PCMTD1: variants seen among roughly 807,000 people sequenced by gnomAD.
The protein encoded by PCMTD1 is protein-L-isoaspartate (D-aspartate) O-methyltransferase domain containing 1.
In PCMTD1, 12 loss-of-function variants were observed where a neutral mutation model predicts 37.6. That is an observed-to-expected ratio of 0.32 (90% CI 0.20 to 0.52). PCMTD1 has a LOEUF of 0.52. Among genes scored for constraint, PCMTD1 ranks in the 20% least tolerant of loss-of-function variants. The pLI is 0.97. For missense variants in PCMTD1, 235 were observed against 421.3 expected (o/e 0.56, Z 3.87); for synonymous variants, 117 against 135.8 (o/e 0.86, Z 0.96).
intron 1 of PCMTD1, among the ~76,000 whole-genome samples, chr8:51,866,441 T>C (rs71513558): frequency 0.06 from 9,173 of 151,872 alleles, 373 homozygotes; most frequent in Non-Finnish European, 0.087. Flanking sequence ...CAATGACCAA[T>C]CAAAGTAGAT....
At chr8:51,892,552 C>G (rs1437692895) in intron 1 of PCMTD1, among the ~76,000 whole-genome samples, 1 of 152,206 alleles carries the variant, frequency 6.6e-6, no homozygotes, top group East Asian at 1.9e-4. Context: ...AAGAAAAGAC[C>G]ACCTACTTTT....
chr8:51,843,254 C>T (rs1291284986), intron 3 of PCMTD1, among the ~76,000 whole-genome samples: 1 of 151,624 alleles, frequency 6.6e-6, no homozygotes, highest in Non-Finnish European at 1.5e-5. Context: ...TCCCTAGTAC[C>T]TACTACTCCT....
At chr8:51,867,974 A>C (rs556923821) in intron 1 of PCMTD1, among the ~76,000 whole-genome samples, 5 of 152,300 alleles carry the variant, frequency 3.3e-5, no homozygotes, top group Non-Finnish European at 7.4e-5. Context: ...CTGAAACTGT[A>C]AATTGTAGAT....
At position 51,898,990 on chromosome 8, in the gene PCMTD1, C is replaced by A. The variant is rs1265840675; in HGVS notation, c.-156G>T. On this transcript the variant is annotated 5_prime_UTR_variant, in exon 1 of 6. Transcript: ENST00000522514. Reference sequence around the variant, plus strand: ...AGGACTCGGCGGGGTCCGCAGCAGCCAGACGCCGCTACCACCACAATAACA... The same window carrying A: ...AGGACTCGGCGGGGTCCGCAGCAGCAAGACGCCGCTACCACCACAATAACA... 6.6e-7 allele frequency: 1 copy of A among 1,506,570 alleles called. No homozygotes were observed. The highest frequency in any genetic ancestry group is 1.4e-5 in the African/African-American group (1 of 70,290). The allele number at this position is 1,506,570 out of a possible 1,614,324, so 93.3% of individuals were successfully genotyped here.
rs1027609163 is a variant in PCMTD1, at chr8:51,893,069, T to C, written c.-96+5861A>G. 1.7e-4 allele frequency among the ~76,000 whole-genome samples: 26 copies of C among 152,342 alleles called. 1 individual carries two copies. The highest frequency in any genetic ancestry group is 1.5e-3 in the Admixed American group (23 of 15,308). On this transcript the variant is annotated intron_variant, in intron 1 of 5. Transcript: ENST00000522514. ...AAAGAAGTATTTATGATTACTTTAA[T>C]ATTTTATAAAGCTAAGGGCAGGTAG...
At position 51,820,240 on chromosome 8, in the gene PCMTD1, C is replaced by G; in HGVS notation, c.*111G>C. The G allele has an allele frequency of 1.1e-6, 1 of 915,814 alleles. No homozygotes were observed. The highest frequency in any genetic ancestry group is 3.1e-5 in the South Asian group (1 of 32,432). 56.7% of individuals were successfully genotyped at this position (915,814 alleles called of 1,614,324 possible). A position where few individuals can be genotyped will look rare whatever the true frequency, so the allele number is the denominator to read the frequency against. ...TGACAGAAACAAGTGATTTTTTTTC[C>G]ACTATAATTTGCTCTGATGAAAGAA... On this transcript the variant is annotated 3_prime_UTR_variant, in exon 6 of 6. Transcript: ENST00000522514.
chr8:51,852,176 TAGG>T (rs956509581), intron 2 of PCMTD1, among the ~76,000 whole-genome samples: 6 of 152,154 alleles, frequency 3.9e-5, no homozygotes, highest in African/African-American at 1.4e-4. Context: ...ATTTCAAGGG[TAGG>T]AGATGTGTCT....
chr8:51,867,690 G>T (rs1406015882), intron 1 of PCMTD1, among the ~76,000 whole-genome samples: 1 of 151,822 alleles, frequency 6.6e-6, no homozygotes, highest in African/African-American at 2.4e-5. Flanking sequence ...TAAGTCATAA[G>T]ACATACTAAG....
chr8:51,836,011 T>A (rs773709455), intron 3 of PCMTD1, among the ~76,000 whole-genome samples: 4 of 152,226 alleles, frequency 2.6e-5, no homozygotes, highest in African/African-American at 4.8e-5. Flanking sequence ...ACTAGCTTTG[T>A]GCAATGACTG....
At position 51,898,983 on chromosome 8, in the gene PCMTD1, C is replaced by A. The variant is rs1202276589; in HGVS notation, c.-149G>T. 2.0e-6 allele frequency: 3 copies of A among 1,502,694 alleles called. No homozygotes were observed. The highest frequency in any genetic ancestry group is 1.8e-6 in the Non-Finnish European group (2 of 1,132,666). 93.1% of individuals were successfully genotyped at this position (1,502,694 alleles called of 1,614,324 possible). Reference sequence around the variant, plus strand: ...AGGCGCTAGGACTCGGCGGGGTCCGCAGCAGCCAGACGCCGCTACCACCAC... The same window carrying A: ...AGGCGCTAGGACTCGGCGGGGTCCGAAGCAGCCAGACGCCGCTACCACCAC... On this transcript the variant is annotated 5_prime_UTR_variant, in exon 1 of 6. Transcript: ENST00000522514.
chr8:51,855,389 C>T (rs2038371959), intron 2 of PCMTD1, among the ~76,000 whole-genome samples: 1 of 149,892 alleles, frequency 6.7e-6, no homozygotes, highest in Non-Finnish European at 1.5e-5. Context: ...AAAAATTAGC[C>T]AAGCGTGGTG....
intron 1 of PCMTD1, among the ~76,000 whole-genome samples, chr8:51,887,484 T>G (rs1190757633): frequency 6.6e-6 from 1 of 152,132 alleles, no homozygotes; most frequent in Non-Finnish European, 1.5e-5. Context: ...CTCTTACAGG[T>G]AAATAACGCA....
chr8:51,857,524 G>C (rs968641456), intron 2 of PCMTD1, among the ~76,000 whole-genome samples: 1 of 152,062 alleles, frequency 6.6e-6, no homozygotes, highest in Non-Finnish European at 1.5e-5. Context: ...TTCAGTTATG[G>C]AAAGCAGAGG....
intron 1 of PCMTD1, among the ~76,000 whole-genome samples, chr8:51,880,771 G>A (rs1285132263): frequency 1.3e-5 from 2 of 152,172 alleles, no homozygotes; most frequent in African/African-American, 4.8e-5. Context: ...GAAAAGGCCA[G>A]TTAATAAACA....
chr8:51,898,101 T>G (rs2039034735), intron 1 of PCMTD1, among the ~76,000 whole-genome samples: 1 of 152,032 alleles, frequency 6.6e-6, no homozygotes, highest in African/African-American at 2.4e-5. Context: ...CTTTTGTAAT[T>G]AAAAAAATAA....
At chr8:51,828,822 G>A (rs2037959127) in intron 5 of PCMTD1, among the ~76,000 whole-genome samples, 1 of 152,178 alleles carries the variant, frequency 6.6e-6, no homozygotes, top group Non-Finnish European at 1.5e-5. Flanking sequence ...TGGATGTCCT[G>A]TACTTTTCTG....
Position 51,898,936 on chromosome 8 carries a change from C to G in PCMTD1, c.-102G>C. ...CCACTGGCGGCGGCGTTACCTGTGGCGCGGGCAGCGGCGCGCAGGCCAGGC... is the reference window on the plus strand; with the variant it reads ...CCACTGGCGGCGGCGTTACCTGTGGGGCGGGCAGCGGCGCGCAGGCCAGGC... On this transcript the variant is annotated 5_prime_UTR_variant, in exon 1 of 6. Transcript: ENST00000522514. The G allele has an allele frequency of 2.2e-6, 3 of 1,387,830 alleles. No individual in the cohort carries two copies. In the South Asian group the frequency reaches 4.8e-5, roughly 22 times the overall value. 86.0% of individuals were successfully genotyped at this position (1,387,830 alleles called of 1,614,324 possible). A position where few individuals can be genotyped will look rare whatever the true frequency, so the allele number is the denominator to read the frequency against.
At chr8:51,830,997 C>CA (rs34381443) in intron 5 of PCMTD1, among the ~76,000 whole-genome samples, 101,029 of 147,142 alleles carry the variant, frequency 0.69, 40,439 homozygotes, top group Non-Finnish European at 0.9. Context: ...TTTATTTTAC[C>CA]AAAAAAAAAA....
intron 1 of PCMTD1, among the ~76,000 whole-genome samples, chr8:51,897,278 G>A (rs1329673533): frequency 6.6e-6 from 1 of 152,184 alleles, no homozygotes; most frequent in Non-Finnish European, 1.5e-5. Context: ...GAATTTCCTA[G>A]CTTTCTGTCT....
Sources: allele counts gnomAD v4.1 joint callset (sites outside exome capture counted in the v4.1 genomes callset), GRCh38; gene constraint gnomAD v4.1.1; transcripts MANE v1.5; gene names NCBI Gene and HGNC (gene_info 2026-07-23, HGNC 2026-07-21).